Variants in FBXO34 observed in about 807,000 individuals in gnomAD.
FBXO34 encodes the protein F-box only protein 34.
A neutral mutation model predicts 24.5 loss-of-function variants in FBXO34; 12 were observed. That is an observed-to-expected ratio of 0.49 (90% CI 0.31 to 0.79). The LOEUF is 0.79. Among genes scored for constraint, FBXO34 ranks in the 30% least tolerant of loss-of-function variants. FBXO34 has a pLI of 0.04. For missense variants in FBXO34, 823 were observed against 857.7 expected (o/e 0.96, Z 0.51); for synonymous variants, 320 against 311.9 (o/e 1.03, Z -0.27).
At chr14:55,310,726 G>C (rs1882707812) in intron 1 of FBXO34, among the ~76,000 whole-genome samples, 1 of 152,322 alleles carries the variant, frequency 6.6e-6, no homozygotes, top group South Asian at 2.1e-4. Flanking sequence ...TCTTAAGGGA[G>C]TAAGTGAAAA....
downstream of FBXO34, among the ~76,000 whole-genome samples, chr14:55,363,013 T>TTCTC (rs200416843): frequency 1.5e-3 from 221 of 143,638 alleles, 3 homozygotes; most frequent in Middle Eastern, 3.5e-3. Flanking sequence ...GACCCCTTTT[T>TTCTC]TCTCTCTCTC....
chr14:55,309,901 T>A (rs1049978119), intron 1 of FBXO34, among the ~76,000 whole-genome samples: 4 of 152,194 alleles, frequency 2.6e-5, no homozygotes, highest in Non-Finnish European at 4.4e-5. Context: ...AGGGTGGGAT[T>A]TGCATTGAGT....
chr14:55,436,291 C>T, the FBXO34 span, among the ~76,000 whole-genome samples: 4 of 152,208 alleles, frequency 2.6e-5, no homozygotes, highest in African/African-American at 9.7e-5. Flanking sequence ...TCAGCAACTA[C>T]AGTGCTGTAG....
the FBXO34 span, among the ~76,000 whole-genome samples, chr14:55,385,289 G>T: frequency 6.6e-6 from 1 of 151,322 alleles, no homozygotes; most frequent in South Asian, 2.1e-4. Context: ...TGGTTCTCTG[G>T]TTTTTTTTTG....
intron 1 of FBXO34, among the ~76,000 whole-genome samples, chr14:55,296,511 C>T (rs1882138181): frequency 6.8e-6 from 1 of 146,602 alleles, no homozygotes; most frequent in African/African-American, 2.5e-5. Context: ...TATCCTGCAT[C>T]AGCCTCCCGA....
Position 55,307,690 on chromosome 14 carries a change from C to T in FBXO34, c.-11+36153C>T, listed in dbSNP as rs527720339. ...CCTACTTGATTCTGATTTAAAATAA[C>T]TTTATCAAGTGATGGAGGAAAAAGT... is the stretch of plus-strand genomic sequence containing the variant. On this transcript the variant is annotated intron_variant, in intron 1 of 1. Transcript: ENST00000313833. Among the ~76,000 whole-genome samples, 7 of 152,256 alleles carry T rather than the reference C, an allele frequency of 4.6e-5. No homozygotes were observed. The East Asian group carries it at 1.2e-3, about 25-fold the overall frequency.
chr14:55,338,540 A>G (rs1883872381), intron 1 of FBXO34, among the ~76,000 whole-genome samples: 1 of 152,174 alleles, frequency 6.6e-6, no homozygotes, highest in South Asian at 2.1e-4. Context: ...TTATTATTCT[A>G]GAATAAAAAC....
At chr14:55,311,132 A>T (rs576234539) in intron 1 of FBXO34, among the ~76,000 whole-genome samples, 9 of 152,324 alleles carry the variant, frequency 5.9e-5, no homozygotes, top group Admixed American at 2.0e-4. Flanking sequence ...GTTCCACATG[A>T]CTTGGGAGGA....
chr14:55,378,488 A>G, the FBXO34 span, among the ~76,000 whole-genome samples: 1 of 152,190 alleles, frequency 6.6e-6, no homozygotes, highest in East Asian at 1.9e-4. Context: ...TGAGGCCCAC[A>G]AGATTTGCAC....
chr14:55,312,536 G>T (rs908431934), intron 1 of FBXO34, among the ~76,000 whole-genome samples: 1 of 152,198 alleles, frequency 6.6e-6, no homozygotes, highest in South Asian at 2.1e-4. Context: ...CCTAGCAGAG[G>T]TTCTCCATGA....
At chr14:55,296,111 C>G (rs993036256) in intron 1 of FBXO34, among the ~76,000 whole-genome samples, 1 of 152,060 alleles carries the variant, frequency 6.6e-6, no homozygotes, top group African/African-American at 2.4e-5. Context: ...CAAGTCCCCC[C>G]CTTTTTTTTA....
intron 1 of FBXO34, among the ~76,000 whole-genome samples, chr14:55,320,760 T>C (rs371082763): frequency 5.4e-4 from 82 of 152,182 alleles, no homozygotes; most frequent in Non-Finnish European, 5.7e-4. Flanking sequence ...CCGTCTAAAA[T>C]ATATATATAA....
chr14:55,302,521 C>A (rs1882397975), intron 1 of FBXO34, among the ~76,000 whole-genome samples: 1 of 134,518 alleles, frequency 7.4e-6, no homozygotes, highest in Admixed American at 7.2e-5. Context: ...GAACACCTGG[C>A]CTCAGGCAGT....
chr14:55,276,443 C>T (rs1881345819), intron 1 of FBXO34, among the ~76,000 whole-genome samples: 1 of 152,066 alleles, frequency 6.6e-6, no homozygotes, highest in Non-Finnish European at 1.5e-5. Flanking sequence ...TACTTTACAC[C>T]TAGACATTTC....
chr14:55,347,849 T>C (rs1242362801), intron 1 of FBXO34, among the ~76,000 whole-genome samples: 1 of 152,250 alleles, frequency 6.6e-6, no homozygotes, highest in Non-Finnish European at 1.5e-5. Context: ...CACATATTGC[T>C]AAAGTTTAAA....
chr14:55,441,511 C>T, the FBXO34 span, among the ~76,000 whole-genome samples: 3 of 152,040 alleles, frequency 2.0e-5, no homozygotes, highest in East Asian at 5.8e-4. Context: ...CTTACCTAGT[C>T]AGGTGTAGTA....
intron 1 of FBXO34, among the ~76,000 whole-genome samples, chr14:55,293,437 C>T (rs1442709763): frequency 1.3e-5 from 2 of 152,196 alleles, no homozygotes; most frequent in Non-Finnish European, 2.9e-5. Flanking sequence ...CCTACCTTGG[C>T]CTCCCAAAGC....
At chr14:55,307,076 C>T (rs1178579747) in intron 1 of FBXO34, among the ~76,000 whole-genome samples, 1 of 152,214 alleles carries the variant, frequency 6.6e-6, no homozygotes, top group Non-Finnish European at 1.5e-5. Flanking sequence ...ACTGATTGTT[C>T]TGAATTGCTA....
chr14:55,369,874 C>T (rs1382655771), downstream of FBXO34: 3 of 1,613,980 alleles, frequency 1.9e-6, no homozygotes, highest in African/African-American at 2.7e-5. Context: ...CTCCGGGATC[C>T]ACAAATTCCA....
Sources: gnomAD v4.1 joint callset for allele counts (sites outside exome capture counted in the v4.1 genomes callset) on GRCh38, gnomAD v4.1.1 for gene constraint, MANE v1.5 for transcripts, NCBI Gene and HGNC (gene_info 2026-07-23, HGNC 2026-07-21) for gene names.